The following TRHDE variants were observed in gnomAD, a reference collection of about 807,000 sequenced individuals.
TRHDE encodes thyrotropin releasing hormone degrading enzyme.
Under a neutral mutation model 125.7 loss-of-function variants are expected in TRHDE, and 72 were observed. That is an observed-to-expected ratio of 0.57 (90% CI 0.47 to 0.70). The LOEUF (loss-of-function observed/expected upper bound fraction) is 0.70, where lower values mean the gene tolerates loss of function less well. Ranked by LOEUF, TRHDE falls within the 30% of genes least tolerant of loss-of-function variation. The pLI is 0.00. For missense variants in TRHDE, 1,110 were observed against 1,327.1 expected, an observed-to-expected ratio of 0.84 and a Z score of 2.54; for synonymous variants, 509 against 509.1, an observed-to-expected ratio of 1.00 and a Z score of 0.00.
chr12:72,662,945 C>A, intron 18 of TRHDE, 107 bp from the exon 19 acceptor site: 2 of 1,224,014 alleles, frequency 1.6e-6, no homozygotes, highest in Non-Finnish European at 2.3e-6. Flanking sequence ...CATTTTGTTT[C>A]AAATATATTG....
chr12:72,531,238 A>G (rs1013856145), intron 6 of TRHDE, among the ~76,000 whole-genome samples: 2 of 151,926 alleles, frequency 1.3e-5, no homozygotes, highest in African/African-American at 2.4e-5. Flanking sequence ...TTTTTCATGT[A>G]TTTATTGCCG....
intron 8 of TRHDE, 147 bp from the exon 9 acceptor site, chr12:72,562,706 T>C (rs987721829): frequency 2.0e-6 from 1 of 505,428 alleles, no homozygotes; most frequent in Non-Finnish European, 3.4e-6. Flanking sequence ...AGAAGATTAA[T>C]TTCACTAACA....
At chr12:72,375,055 A>G (rs1871811427) in intron 2 of TRHDE, among the ~76,000 whole-genome samples, 1 of 152,142 alleles carries the variant, frequency 6.6e-6, no homozygotes, top group Non-Finnish European at 1.5e-5. Context: ...GAATTTGGGG[A>G]ACTGTGCCTT....
chr12:72,554,801 T>C (rs527540738), intron 7 of TRHDE, among the ~76,000 whole-genome samples: 1 of 152,300 alleles, frequency 6.6e-6, no homozygotes, highest in East Asian at 1.9e-4. Flanking sequence ...ACCCCAGAAC[T>C]CCTCTATAGA....
chr12:72,305,587 C>T (rs147800553), intron 2 of TRHDE, among the ~76,000 whole-genome samples: 24 of 152,290 alleles, frequency 1.6e-4, no homozygotes, highest in African/African-American at 5.3e-4. Flanking sequence ...TCTATGAGAG[C>T]GGTTGTATTA....
intron 4 of TRHDE, among the ~76,000 whole-genome samples, chr12:72,472,060 A>G (rs568354418): frequency 1.3e-5 from 2 of 152,332 alleles, no homozygotes; most frequent in African/African-American, 4.8e-5. Flanking sequence ...TCTGAGCTCA[A>G]ATGTCACTTG....
intron 1 of TRHDE, among the ~76,000 whole-genome samples, chr12:72,097,427 ATTTTCTCACTGAATTTTTTTTTT>A (rs754310444): frequency 8.0e-6 from 1 of 124,784 alleles, no homozygotes; most frequent in Non-Finnish European, 1.7e-5. Context: ...TTGCAGTAGC[ATTTTCTCACTGAATTTTTTTTTT>A]TTTTTTTTTT....
chr12:72,153,870 C>G (rs1376051572), intron 2 of TRHDE, among the ~76,000 whole-genome samples: 1 of 152,160 alleles, frequency 6.6e-6, no homozygotes, highest in East Asian at 1.9e-4. Context: ...AATGTATATT[C>G]TGTTGATTTG....
chr12:72,604,362 A>C (rs1165943794), intron 12 of TRHDE, among the ~76,000 whole-genome samples: 2 of 152,066 alleles, frequency 1.3e-5, no homozygotes, highest in Admixed American at 6.6e-5. Context: ...AGTTTCTGTC[A>C]TTTTATCTAA....
At chr12:72,418,669 C>G (rs1330420789) in intron 3 of TRHDE, among the ~76,000 whole-genome samples, 1 of 152,044 alleles carries the variant, frequency 6.6e-6, no homozygotes, top group Non-Finnish European at 1.5e-5. Flanking sequence ...CAGCTTTCAT[C>G]GGAGGTACTC....
intron 15 of TRHDE, among the ~76,000 whole-genome samples, chr12:72,643,997 C>T (rs1475332501): frequency 6.6e-6 from 1 of 152,174 alleles, no homozygotes; most frequent in Non-Finnish European, 1.5e-5. Context: ...CAATGATACC[C>T]TCTTGAAGGG....
intron 2 of TRHDE, among the ~76,000 whole-genome samples, chr12:72,373,894 A>G (rs1432591508): frequency 6.6e-6 from 1 of 152,172 alleles, no homozygotes; most frequent in Non-Finnish European, 1.5e-5. Context: ...GGCCCTTGTA[A>G]AAACCTTGGC....
At chr12:72,502,857 T>A (rs1355865182) in intron 6 of TRHDE, among the ~76,000 whole-genome samples, 2 of 152,144 alleles carry the variant, frequency 1.3e-5, no homozygotes, top group Non-Finnish European at 2.9e-5. Context: ...AATTTTCAAA[T>A]GTGAATATGG....
Position 72,666,664 on chromosome 12 carries a change from C to G in TRHDE, c.*3469C>G, listed in dbSNP as rs1875124718. On this transcript the variant is annotated 3_prime_UTR_variant, in exon 19 of 19. Transcript: ENST00000261180. ...ATATAAATATATGTTGAAAATATCT[C>G]TATCGATTGCATTAATTGGAGATTT... 1 of 152,082 alleles carries G rather than the reference C, an allele frequency of 6.6e-6. No individual in the cohort carries two copies. Among genetic ancestry groups the G allele is most frequent in the Admixed American group, 6.6e-5 (1 of 15,240 alleles). 9.4% of individuals were successfully genotyped at this position (152,082 alleles called of 1,614,324 possible). A position where few individuals can be genotyped will look rare whatever the true frequency, so the allele number is the denominator to read the frequency against.
At chr12:72,619,159 C>A in intron 13 of TRHDE, 121 bp downstream of exon 13, 1 of 737,418 alleles carries the variant, frequency 1.4e-6, no homozygotes, top group Non-Finnish European at 2.0e-6. Flanking sequence ...TTGTGTTATC[C>A]CGATTTTTGT....
intron 7 of TRHDE, among the ~76,000 whole-genome samples, chr12:72,552,516 A>G (rs1869725891): frequency 6.6e-6 from 1 of 152,194 alleles, no homozygotes; most frequent in African/African-American, 2.4e-5. Context: ...CATGGAGGTG[A>G]CTGAGATGGA....
intron 2 of TRHDE, among the ~76,000 whole-genome samples, chr12:72,130,301 A>T (rs1192960881): frequency 2.0e-5 from 3 of 152,224 alleles, no homozygotes; most frequent in African/African-American, 7.2e-5. Flanking sequence ...AAAGAAAAAC[A>T]AAAGTCTTAC....
At position 72,469,744 on chromosome 12, in the gene TRHDE, T is replaced by C. The variant is rs757706887; in HGVS notation, c.1316-14T>C. 1 of 1,612,926 alleles carries C rather than the reference T, an allele frequency of 6.2e-7. No individual in the cohort carries two copies. Among genetic ancestry groups the C allele is most frequent in the Non-Finnish European group, 8.5e-7 (1 of 1,179,666 alleles). On this transcript the variant is annotated splice_polypyrimidine_tract_variant and intron_variant, in intron 3 of 18. Coordinates refer to ENST00000261180, the MANE Select transcript of TRHDE (RefSeq NM_013381.3). Reference sequence around the variant, plus strand: ...TTTGTTAAAGCCTTTGGAACTGTTTTATTTTATTTCTAGATCTTTTAGCTG... The same window carrying C: ...TTTGTTAAAGCCTTTGGAACTGTTTCATTTTATTTCTAGATCTTTTAGCTG...
chr12:72,597,495 C>A (rs1871992118), intron 12 of TRHDE, among the ~76,000 whole-genome samples: 1 of 151,254 alleles, frequency 6.6e-6, no homozygotes, highest in South Asian at 2.1e-4. Context: ...TGGTGAAACC[C>A]TGTCTCTGCT....
Sources: allele counts gnomAD v4.1 joint callset (sites outside exome capture counted in the v4.1 genomes callset), GRCh38; gene constraint gnomAD v4.1.1; transcripts MANE v1.5; gene names NCBI Gene and HGNC (gene_info 2026-07-23, HGNC 2026-07-21).